SAMD3: variants seen among roughly 807,000 people sequenced by gnomAD.
SAMD3 encodes the protein sterile alpha motif domain-containing protein 3.
In SAMD3, 63 loss-of-function variants were observed where a neutral mutation model predicts 58.5. The ratio of observed to expected loss-of-function variants is 1.08; its 90% CI spans 0.88 to 1.33. SAMD3 has a LOEUF of 1.33. Ranked by LOEUF, SAMD3 falls within the 40% of genes most tolerant of loss-of-function variation. The pLI, the probability that SAMD3 is intolerant of heterozygous loss-of-function variation, is 0.00. For missense variants in SAMD3, 604 were observed against 608.4 expected (o/e 0.99, Z 0.08); for synonymous variants, 220 against 210.3 (o/e 1.05, Z -0.40).
intron 1 of SAMD3, among the ~76,000 whole-genome samples, chr6:130,356,374 T>A (rs1484427369): frequency 6.6e-6 from 1 of 152,246 alleles, no homozygotes; most frequent in African/African-American, 2.4e-5. Context: ...TTCTGCCTTA[T>A]TTTATGCAGA....
At chr6:130,214,966 G>A (rs954546622) in intron 3 of SAMD3, among the ~76,000 whole-genome samples, 1 of 152,138 alleles carries the variant, frequency 6.6e-6, no homozygotes, top group East Asian at 1.9e-4. Flanking sequence ...TGACCCGTAA[G>A]ACTTTTTTAT....
At chr6:130,344,825 C>CAAAAAAAAAAAAAAAAAAAA (rs56795907) in intron 1 of SAMD3, among the ~76,000 whole-genome samples, 8 of 41,100 alleles carry the variant, frequency 1.9e-4, no homozygotes, top group East Asian at 9.5e-4. Context: ...ACAACAACAG[C>CAAAAAAAAAAAAAAAAAAAA]AAAAAAAAAA....
In SAMD3 at chr6:130,353,495, A is replaced by T. The variant is rs78371298; in HGVS notation, c.-304+11625T>A. On this transcript the variant is annotated intron_variant, in intron 1 of 13. Coordinates refer to the SAMD3 transcript ENST00000368134. Reference sequence around the variant, plus strand: ...TTTCTATCACTGCACTTAATATAGGAAATAAAGGTACAACTTCAAATAACA... The same window carrying T: ...TTTCTATCACTGCACTTAATATAGGTAATAAAGGTACAACTTCAAATAACA... Among the ~76,000 whole-genome samples, 1,176 of 152,330 alleles carry T rather than the reference A, an allele frequency of 7.7e-3. 19 individuals are homozygous for T. Among genetic ancestry groups the T allele is most frequent in the African/African-American group, 0.026 (1,070 of 41,570 alleles).
At chr6:130,255,166 T>C (rs1773882336) in intron 2 of SAMD3, among the ~76,000 whole-genome samples, 1 of 152,238 alleles carries the variant, frequency 6.6e-6, no homozygotes, top group South Asian at 2.1e-4. Flanking sequence ...AATGGTACTT[T>C]ATATGATTTC....
intron 1 of SAMD3, among the ~76,000 whole-genome samples, chr6:130,362,522 G>T (rs752088117): frequency 7.2e-5 from 11 of 152,186 alleles, no homozygotes; most frequent in South Asian, 2.1e-4. Context: ...TAAGCTACTT[G>T]GTGATTATCC....
At chr6:130,169,945 G>C (rs1434537748) in intron 8 of SAMD3, among the ~76,000 whole-genome samples, 1 of 152,114 alleles carries the variant, frequency 6.6e-6, no homozygotes, top group African/African-American at 2.4e-5. Context: ...GAAACTGAAT[G>C]GAAAGGAACT....
At chr6:130,249,915 C>T (rs1381594509) in intron 2 of SAMD3, among the ~76,000 whole-genome samples, 1 of 152,142 alleles carries the variant, frequency 6.6e-6, no homozygotes, top group African/African-American at 2.4e-5. Flanking sequence ...GACCCACACG[C>T]TCTGAGGAAG....
At chr6:130,259,953 A>G (rs1319857328) in intron 2 of SAMD3, among the ~76,000 whole-genome samples, 2 of 152,186 alleles carry the variant, frequency 1.3e-5, no homozygotes, top group East Asian at 3.8e-4. Flanking sequence ...TGTTTCAGGT[A>G]TCTACCACAG....
intron 2 of SAMD3, among the ~76,000 whole-genome samples, chr6:130,233,297 G>A (rs2326948): frequency 0.14 from 21,708 of 152,180 alleles, 1,768 homozygotes; most frequent in East Asian, 0.36. Context: ...ACATGTGCAG[G>A]ATGTGCAGGT....
In SAMD3 at chr6:130,146,125, G is replaced by C; in HGVS notation, c.1080C>G (p.His360Gln). The C allele has an allele frequency of 6.2e-7, 1 of 1,601,034 alleles. No individual in the cohort carries two copies. The highest frequency in any genetic ancestry group is 8.5e-7 in the Non-Finnish European group (1 of 1,173,778). Residue 360 changes from histidine (H) to glutamine (Q), a missense_variant, in exon 10 of 12, where the codon CAC becomes CAG. His to Gln is a conservative substitution (Grantham distance 24). Transcript: ENST00000439090. ...TATTTTCTGAATAGGATTCCAAAAT[G>C]TGCCTTGTTTTCTTATAAATATCTG... is the stretch of plus-strand genomic sequence containing the variant. ...TRTDIYKKTR[H>Q]ILESYSENIL...
upstream of SAMD3, among the ~76,000 whole-genome samples, chr6:130,225,451 T>C (rs1796361575): frequency 6.6e-6 from 1 of 152,186 alleles, no homozygotes; most frequent in African/African-American, 2.4e-5. Context: ...GTTTCAAGCT[T>C]TAAAACCAGA....
At chr6:130,147,251 T>C (rs1047200164) in intron 9 of SAMD3, among the ~76,000 whole-genome samples, 1 of 152,218 alleles carries the variant, frequency 6.6e-6, no homozygotes, top group African/African-American at 2.4e-5. Flanking sequence ...GGCCTCATTG[T>C]TCCTTGAATG....
chr6:130,243,375 C>G (rs1773430317), intron 2 of SAMD3, among the ~76,000 whole-genome samples: 1 of 152,132 alleles, frequency 6.6e-6, no homozygotes, highest in Admixed American at 6.5e-5. Flanking sequence ...TCTACCTCTA[C>G]CTCTACCTCC....
intron 2 of SAMD3, among the ~76,000 whole-genome samples, chr6:130,236,844 T>C (rs916717172): frequency 6.6e-6 from 1 of 152,238 alleles, no homozygotes; most frequent in Non-Finnish European, 1.5e-5. Context: ...TGTTTTATAA[T>C]TTTCCTTTTG....
rs544425118 is a variant in SAMD3, at chr6:130,191,967, T to G, written c.384-7344A>C. Among the ~76,000 whole-genome samples, 3 of 152,356 alleles carry G rather than the reference T, an allele frequency of 2.0e-5. No homozygotes were observed. The East Asian group carries it at 5.8e-4, about 29-fold the overall frequency. On this transcript the variant is annotated intron_variant, in intron 5 of 11. Coordinates refer to ENST00000439090, the MANE Select transcript of SAMD3 (RefSeq NM_001017373.4). Reference sequence around the variant, plus strand: ...TTAGCAGTTTCTTCGCTTACTTTGTTGCCCTCAGTTGCCCTCATTCTTCTA... The same window carrying G: ...TTAGCAGTTTCTTCGCTTACTTTGTGGCCCTCAGTTGCCCTCATTCTTCTA...
At chr6:130,254,566 C>A (rs989192696) in intron 2 of SAMD3, among the ~76,000 whole-genome samples, 3 of 152,050 alleles carry the variant, frequency 2.0e-5, no homozygotes, top group Non-Finnish European at 4.4e-5. Flanking sequence ...TAGGCTCAAG[C>A]AATCTGCCTG....
intron 1 of SAMD3, among the ~76,000 whole-genome samples, chr6:130,333,681 C>T (rs1777010998): frequency 6.6e-6 from 1 of 152,166 alleles, no homozygotes; most frequent in Non-Finnish European, 1.5e-5. Context: ...GATATAAGCT[C>T]TTGTACTGTC....
At chr6:130,300,883 C>T (rs997668758) in intron 2 of SAMD3, among the ~76,000 whole-genome samples, 4 of 152,036 alleles carry the variant, frequency 2.6e-5, no homozygotes, top group African/African-American at 7.3e-5. Context: ...AGGTTTGTTA[C>T]GTAGGTATAC....
intron 8 of SAMD3, among the ~76,000 whole-genome samples, chr6:130,162,811 C>T (rs2114619319): frequency 6.6e-6 from 1 of 152,318 alleles, no homozygotes; most frequent in East Asian, 1.9e-4. Flanking sequence ...CTCACTTATT[C>T]TCTAATTACC....
Sources: allele counts gnomAD v4.1 joint callset (sites outside exome capture counted in the v4.1 genomes callset), GRCh38; gene constraint gnomAD v4.1.1; transcripts MANE v1.5; gene names NCBI Gene and HGNC (gene_info 2026-07-23, HGNC 2026-07-21).